CELF2: variants seen among roughly 807,000 people sequenced by gnomAD.
CELF2 encodes the protein CUGBP Elav-like family member 2.
CELF2 carries 8 observed loss-of-function variants against 62.6 expected under a neutral mutation model. That is an observed-to-expected ratio of 0.13 (90% CI 0.07 to 0.23). The LOEUF is 0.23. CELF2 is among the 10% of genes least tolerant of loss of function. CELF2 has a pLI of 1.00. For missense variants in CELF2, 333 were observed against 671.0 expected (o/e 0.50, Z 5.56); for synonymous variants, 258 against 250.0 (o/e 1.03, Z -0.30).
chr10:11,283,799 T>G (rs923168513), intron 8 of CELF2, among the ~76,000 whole-genome samples: 1 of 147,352 alleles, frequency 6.8e-6, no homozygotes, highest in Non-Finnish European at 1.5e-5. Context: ...GTGGGGTAGA[T>G]GATGAGTGGA....
Position 11,288,571 on chromosome 10 carries a change from C to G in CELF2, c.976+19C>G. ...AGTCCCGGTGAGTGTGGGGGGTGCT[C>G]TTCCCTTGCAGGTGATGCAGCAGGA... On this transcript the variant is annotated intron_variant, in intron 9 of 12. Transcript: ENST00000633077. 6.2e-7 allele frequency: 1 copy of G among 1,612,532 alleles called. No homozygotes were observed. The highest frequency in any genetic ancestry group is 8.5e-7 in the Non-Finnish European group (1 of 1,179,542).
chr10:10,614,464 T>C, the CELF2 span, among the ~76,000 whole-genome samples: 3 of 152,144 alleles, frequency 2.0e-5, no homozygotes, highest in African/African-American at 7.3e-5. Context: ...GGAAGATTTA[T>C]CTTACGGCAA....
chr10:10,973,592 A>G (rs1300145209), intron 2 of CELF2, among the ~76,000 whole-genome samples: 1 of 152,110 alleles, frequency 6.6e-6, no homozygotes, highest in Non-Finnish European at 1.5e-5. Flanking sequence ...TGACCCAGAA[A>G]GTCTCACTCA....
the CELF2 span, among the ~76,000 whole-genome samples, chr10:10,492,488 G>T: frequency 6.4e-4 from 97 of 152,150 alleles, no homozygotes; most frequent in African/African-American, 2.2e-3. Flanking sequence ...AGCTGCACTT[G>T]GAAAGCAGAC....
intron 1 of CELF2, among the ~76,000 whole-genome samples, chr10:11,072,135 G>A (rs1009405788): frequency 6.6e-6 from 1 of 152,148 alleles, no homozygotes; most frequent in African/African-American, 2.4e-5. Flanking sequence ...AGGTGAGGTC[G>A]AGCAACATTC....
chr10:10,920,138 A>G, intron 2 of CELF2: 1 of 470,960 alleles, frequency 2.1e-6, no homozygotes, highest in South Asian at 1.1e-4. Flanking sequence ...ATCACCATGT[A>G]AATGCCAAAA....
chr10:10,829,430 A>G (rs1212228291), intron 1 of CELF2, among the ~76,000 whole-genome samples: 1 of 152,180 alleles, frequency 6.6e-6, no homozygotes, highest in Non-Finnish European at 1.5e-5. Flanking sequence ...ATCACCCCAT[A>G]TCTGAGACTC....
intron 2 of CELF2, among the ~76,000 whole-genome samples, chr10:11,202,568 C>T (rs563637357): frequency 3.9e-5 from 6 of 152,142 alleles, no homozygotes; most frequent in Non-Finnish European, 7.3e-5. Context: ...GGAATCAAAC[C>T]GACTTTAATA....
intron 1 of CELF2, among the ~76,000 whole-genome samples, chr10:10,820,048 T>C (rs188763045): frequency 3.3e-5 from 5 of 152,316 alleles, no homozygotes; most frequent in East Asian, 1.9e-4. Flanking sequence ...ATTCTTGTGA[T>C]AGCAAATAAG....
the CELF2 span, among the ~76,000 whole-genome samples, chr10:10,646,252 A>G: frequency 6.6e-6 from 1 of 152,220 alleles, no homozygotes; most frequent in African/African-American, 2.4e-5. Flanking sequence ...CGTCAAAACC[A>G]AAGTTCACCT....
chr10:10,737,033 C>T, the CELF2 span, among the ~76,000 whole-genome samples: 442 of 152,276 alleles, frequency 2.9e-3, 2 homozygotes, highest in Middle Eastern at 3.4e-3. Flanking sequence ...TCAGCAGACC[C>T]TATGACGGAT....
intron 2 of CELF2, among the ~76,000 whole-genome samples, chr10:10,971,795 C>G (rs1483037660): frequency 6.6e-6 from 1 of 152,176 alleles, no homozygotes; most frequent in African/African-American, 2.4e-5. Flanking sequence ...CCATGTTGGT[C>G]AGACTGGTCT....
In CELF2 at chr10:11,334,912, T is replaced by C. The variant is rs1046529157; in HGVS notation, c.*5859T>C. ...TTGTTGCCCTCAATCAAAAGATATG[T>C]ATAGAAAAGTCATTTAAATTATTTA... On this transcript the variant is annotated 3_prime_UTR_variant, in exon 13 of 13. Coordinates refer to ENST00000633077, the MANE Select transcript of CELF2 (RefSeq NM_001326342.2). 6.6e-6 allele frequency: 1 copy of C among 152,226 alleles called. No homozygotes were observed. The highest frequency in any genetic ancestry group is 1.5e-5 in the Non-Finnish European group (1 of 68,040). The allele number at this position is 152,226 out of a possible 1,614,324, so 9.4% of individuals were successfully genotyped here.
rs1312550756 is a variant in CELF2 at position 11,157,756 on chromosome 10, G to A, written c.75-7730G>A. 3.3e-5 allele frequency among the ~76,000 whole-genome samples: 5 copies of A among 152,246 alleles called. No homozygotes were observed. Among genetic ancestry groups the A allele is most frequent in the Admixed American group, 2.6e-4 (4 of 15,284 alleles). On this transcript the variant is annotated intron_variant, in intron 1 of 12. Transcript: ENST00000633077. The surrounding 1 kb of genome is among the most constrained non-coding windows in gnomAD (Gnocchi z 4.9). ...GTTTTGTTTAAGATTCTGCAAAGGGGAAGAACTGGCTTTCACCACCCAGGC... is the reference window on the plus strand; with the variant it reads ...GTTTTGTTTAAGATTCTGCAAAGGGAAAGAACTGGCTTTCACCACCCAGGC...
chr10:10,948,968 C>T (rs1310991305), intron 2 of CELF2, among the ~76,000 whole-genome samples: 1 of 152,142 alleles, frequency 6.6e-6, no homozygotes, highest in East Asian at 1.9e-4. Flanking sequence ...GGAGCAACTC[C>T]TTCACATGTT....
chr10:10,588,307 C>T, the CELF2 span, among the ~76,000 whole-genome samples: 1 of 152,166 alleles, frequency 6.6e-6, no homozygotes, highest in Non-Finnish European at 1.5e-5. Context: ...TATTTCCTAA[C>T]AGGAACAAGC....
intron 1 of CELF2, among the ~76,000 whole-genome samples, chr10:11,056,180 A>G (rs1310814471): frequency 6.6e-6 from 1 of 152,242 alleles, no homozygotes; most frequent in East Asian, 1.9e-4. Flanking sequence ...CCACAATTCT[A>G]TAAAGCTCTT....
At chr10:10,659,681 C>T in the CELF2 span, among the ~76,000 whole-genome samples, 1 of 152,182 alleles carries the variant, frequency 6.6e-6, no homozygotes, top group Non-Finnish European at 1.5e-5. Context: ...GACTTCCAGA[C>T]ACACAGATCT....
chr10:10,724,120 C>T, the CELF2 span, among the ~76,000 whole-genome samples: 1 of 152,214 alleles, frequency 6.6e-6, no homozygotes, highest in Non-Finnish European at 1.5e-5. Context: ...TAAATCACCT[C>T]ATCTCTGCAT....
Sources: gnomAD v4.1 joint callset for allele counts (sites outside exome capture counted in the v4.1 genomes callset) on GRCh38, gnomAD v4.1.1 for gene constraint, Gnocchi (gnomAD v3.1) non-coding constraint, MANE v1.5 for transcripts, NCBI Gene and HGNC (gene_info 2026-07-23, HGNC 2026-07-21) for gene names.